PCDHGA11: variants seen among roughly 807,000 people sequenced by gnomAD.
The protein encoded by PCDHGA11 is protocadherin gamma subfamily A, 11.
In PCDHGA11, 39 loss-of-function variants were observed where a neutral mutation model predicts 60.4. The ratio of observed to expected loss-of-function variants is 0.65; its 90% CI spans 0.50 to 0.84. PCDHGA11 has a LOEUF of 0.84. Among genes scored for constraint, PCDHGA11 ranks in the 40% least tolerant of loss-of-function variants. The probability of loss-of-function intolerance (pLI) is 0.00; values close to 1 mark genes in which losing one functional copy is unlikely to be tolerated. For missense variants in PCDHGA11, 1,165 were observed against 1,197.7 expected, an observed-to-expected ratio of 0.97 and a Z score of 0.40; for synonymous variants, 533 against 510.3, an observed-to-expected ratio of 1.04 and a Z score of -0.60.
intron 1 of PCDHGA11, chr5:141,478,265 G>C: frequency 1.2e-6 from 2 of 1,614,196 alleles, no homozygotes; most frequent in Non-Finnish European, 1.7e-6. Flanking sequence ...CATATTCAAA[G>C]TTTACAAGTG....
Position 141,477,200 on chromosome 5 carries a change from C to T in PCDHGA11, c.2434-17607C>T. ...AGTCACCTCCGTGTACAGCCCAGTACCCGAGGATGCCCCTCTGGGGACTGT... is the reference window on the plus strand; with the variant it reads ...AGTCACCTCCGTGTACAGCCCAGTATCCGAGGATGCCCCTCTGGGGACTGT... On this transcript the variant is annotated intron_variant, in intron 1 of 3. Transcript: ENST00000398587. This position sits in a 1 kb window ranked among gnomAD's most constrained non-coding sequence, Gnocchi z 4.9. The T allele has an allele frequency of 1.2e-6, 2 of 1,614,206 alleles. No individual in the cohort carries two copies. The highest frequency in any genetic ancestry group is 1.3e-5 in the African/African-American group (1 of 75,056).
chr5:141,431,147 G>A lies in PCDHGA11; in HGVS notation c.2433+7487G>A, dbSNP rs1303502732. ...AGAAGTAAGGGACATTAACGACAAT[G>A]CGCCTTACTTTCGTGAAAGTGAATT... On this transcript the variant is annotated intron_variant, in intron 1 of 3. Coordinates refer to ENST00000398587, the MANE Select transcript of PCDHGA11 (RefSeq NM_018914.3). The surrounding 1 kb of genome is among the most constrained non-coding windows in gnomAD (Gnocchi z 4.8). 6.2e-7 allele frequency: 1 copy of A among 1,614,228 alleles called. No homozygotes were observed. The highest frequency in any genetic ancestry group is 1.7e-5 in the Admixed American group (1 of 60,030).
In PCDHGA11 at chr5:141,511,618, T is replaced by C. The variant is rs1227028784; in HGVS notation, c.*445T>C. 4.3e-6 allele frequency: 1 copy of C among 232,232 alleles called. No homozygotes were observed. Among genetic ancestry groups the C allele is most frequent in the East Asian group, 9.9e-5 (1 of 10,122 alleles). 14.4% of individuals were successfully genotyped at this position (232,232 alleles called of 1,614,324 possible). A position where few individuals can be genotyped will look rare whatever the true frequency, so the allele number is the denominator to read the frequency against. ...AAGTAACCTACAAGCCTCCTAGTTCTGAAAAGTTGGAAGGGCATCATGACC... is the reference window on the plus strand; with the variant it reads ...AAGTAACCTACAAGCCTCCTAGTTCCGAAAAGTTGGAAGGGCATCATGACC... On this transcript the variant is annotated 3_prime_UTR_variant, in exon 4 of 4. Transcript: ENST00000398587.
At chr5:141,455,225 C>CA (rs2098817003) in intron 1 of PCDHGA11, among the ~76,000 whole-genome samples, 2 of 151,666 alleles carry the variant, frequency 1.3e-5, no homozygotes, top group South Asian at 2.1e-4. Context: ...AATGCTTTGA[C>CA]AAAAAATGTT....
At chr5:141,434,489 C>T (rs921000136) in intron 1 of PCDHGA11, among the ~76,000 whole-genome samples, 4 of 152,158 alleles carry the variant, frequency 2.6e-5, no homozygotes, top group Non-Finnish European at 4.4e-5. Flanking sequence ...ACACCTGGCC[C>T]GCCCAGGGCA....
chr5:141,433,277 T>G, intron 1 of PCDHGA11: 1 of 1,231,982 alleles, frequency 8.1e-7, no homozygotes. Flanking sequence ...CACTGCAGCC[T>G]CAAACTCCTA....
rs2099681350 is a variant in PCDHGA11, at chr5:141,489,024, C to T, written c.2434-5783C>T. 1 of 450,378 alleles carries T rather than the reference C, an allele frequency of 2.2e-6. No individual in the cohort carries two copies. The highest frequency in any genetic ancestry group is 3.9e-6 in the Non-Finnish European group (1 of 256,582). 27.9% of individuals were successfully genotyped at this position (450,378 alleles called of 1,614,324 possible). On this transcript the variant is annotated intron_variant, in intron 1 of 3. Coordinates refer to ENST00000398587, the MANE Select transcript of PCDHGA11 (RefSeq NM_018914.3). The surrounding 1 kb of genome is among the most constrained non-coding windows in gnomAD (Gnocchi z 4.5). ...CTGCTCTTCCAGCCCGCCTCTCCTC[C>T]TCCAGCTCCCCAGCTCCACTCAAAT... is the stretch of plus-strand genomic sequence containing the variant.
intron 3 of PCDHGA11, among the ~76,000 whole-genome samples, chr5:141,509,808 G>A (rs905531504): frequency 3.9e-5 from 6 of 152,028 alleles, no homozygotes; most frequent in Non-Finnish European, 7.4e-5. Context: ...TCATAGAGCC[G>A]AGCTCTTCTC....
intron 2 of PCDHGA11, among the ~76,000 whole-genome samples, chr5:141,503,598 C>CAA (rs765754054): frequency 1.5e-4 from 10 of 65,698 alleles, no homozygotes; most frequent in African/African-American, 2.3e-4. Context: ...GACTCCAGCT[C>CAA]AAAAAAAAAA....
At chr5:141,484,437 T>C (rs2099596528) in intron 1 of PCDHGA11, among the ~76,000 whole-genome samples, 1 of 152,232 alleles carries the variant, frequency 6.6e-6, no homozygotes, top group African/African-American at 2.4e-5. Context: ...ATGTACTGCA[T>C]AAATTTAATT....
intron 2 of PCDHGA11, 143 bp downstream of exon 2, chr5:141,495,008 G>A (rs2099758236): frequency 6.6e-7 from 1 of 1,521,900 alleles, no homozygotes; most frequent in Non-Finnish European, 8.8e-7. Context: ...TGGTGTGCGG[G>A]GGGCTGGCAC....
At chr5:141,425,159 G>T (rs557552439) in intron 1 of PCDHGA11, among the ~76,000 whole-genome samples, 1 of 152,244 alleles carries the variant, frequency 6.6e-6, no homozygotes, top group Non-Finnish European at 1.5e-5. Context: ...AGCATCTAGG[G>T]ATAGGATTTA....
Position 141,432,326 on chromosome 5 carries a change from G to C in PCDHGA11, c.2433+8666G>C. The C allele has an allele frequency of 1.2e-6, 2 of 1,614,228 alleles. No individual in the cohort carries two copies. The highest frequency in any genetic ancestry group is 2.2e-5 in the East Asian group (1 of 44,890). On this transcript the variant is annotated intron_variant, in intron 1 of 3. Transcript: ENST00000398587. This position sits in a 1 kb window ranked among gnomAD's most constrained non-coding sequence, Gnocchi z 6.0. ...GTATGCGCTGAGCTCCTTCGACTAC[G>C]AGCAGTTCCGAGACTTGCAAGTGAA...
In PCDHGA11 at chr5:141,485,178, T is replaced by A; in HGVS notation, c.2434-9629T>A. The stretch of plus-strand genomic sequence containing the variant: ...GAGAATTAGCGGGCGGCAGCAATGC[T>A]CCGCAAGGTGAGAAGCTGGACAGAA... On this transcript the variant is annotated intron_variant, in intron 1 of 3. Transcript: ENST00000398587. This position sits in a 1 kb window ranked among gnomAD's most constrained non-coding sequence, Gnocchi z 5.7. 1.2e-6 allele frequency: 2 copies of A among 1,612,400 alleles called. No homozygotes were observed. Among genetic ancestry groups the A allele is most frequent in the Non-Finnish European group, 1.7e-6 (2 of 1,178,628 alleles).
chr5:141,422,617 G>T lies in PCDHGA11; in HGVS notation c.1390G>T (p.Glu464Ter), dbSNP rs758903894. 3 of 1,613,524 alleles carry T rather than the reference G, an allele frequency of 1.9e-6. No homozygotes were observed. Among genetic ancestry groups the T allele is most frequent in the Non-Finnish European group, 2.5e-6 (3 of 1,179,748 alleles). Residue 464 changes from glutamate to a stop codon, truncating the protein, a stop_gained, in exon 1 of 4, where the codon GAA (glutamate) becomes TAA (stop). Transcript: ENST00000398587. LOFTEE classifies it high-confidence loss of function. Reference protein sequence around the residue: ...PHSSYSAYIPENNPRGASIFS... With the variant: ...PHSSYSAYIP ...CTCCTCTTACTCTGCCTACATTCCC[G>T]AAAACAACCCCAGGGGTGCCTCCAT...
chr5:141,474,188 T>C (rs1203777014), intron 1 of PCDHGA11, among the ~76,000 whole-genome samples: 1 of 152,216 alleles, frequency 6.6e-6, no homozygotes, highest in Non-Finnish European at 1.5e-5. Context: ...CTACTTACAT[T>C]TTTAAAAGCT....
Position 141,487,870 on chromosome 5 carries a change from C to A in PCDHGA11, c.2434-6937C>A. On this transcript the variant is annotated intron_variant, in intron 1 of 3. Transcript: ENST00000398587. This position sits in a 1 kb window ranked among gnomAD's most constrained non-coding sequence, Gnocchi z 5.0. ...AATGAAAGTAATTGGTGATCAAGAGCCAGGCTGTTGTGGAAGCATGATGAT... is the reference window on the plus strand; with the variant it reads ...AATGAAAGTAATTGGTGATCAAGAGACAGGCTGTTGTGGAAGCATGATGAT... 3.5e-6 allele frequency: 3 copies of A among 865,052 alleles called. No individual in the cohort carries two copies. The highest frequency in any genetic ancestry group is 5.3e-6 in the Non-Finnish European group (3 of 568,628). The allele number at this position is 865,052 out of a possible 1,614,324, so 53.6% of individuals were successfully genotyped here.
intron 2 of PCDHGA11, among the ~76,000 whole-genome samples, chr5:141,496,123 C>T (rs2099766207): frequency 6.6e-6 from 1 of 152,098 alleles, no homozygotes; most frequent in African/African-American, 2.4e-5. Flanking sequence ...CTTCCCTGCC[C>T]CTCACACACT....
At chr5:141,456,421 A>C (rs1358944131) in intron 1 of PCDHGA11, among the ~76,000 whole-genome samples, 1 of 152,150 alleles carries the variant, frequency 6.6e-6, no homozygotes, top group Non-Finnish European at 1.5e-5. Context: ...GAAACAATTC[A>C]AGTTATAGTA....
Sources: gnomAD v4.1 joint callset for allele counts (sites outside exome capture counted in the v4.1 genomes callset) on GRCh38, gnomAD v4.1.1 for gene constraint, Gnocchi (gnomAD v3.1) non-coding constraint, MANE v1.5 for transcripts, NCBI Gene and HGNC (gene_info 2026-07-23, HGNC 2026-07-21) for gene names.